Variants in PCDH15 observed in about 807,000 individuals in gnomAD.
PCDH15 encodes the protein protocadherin related 15, also known as protocadherin-15.
PCDH15 carries 129 observed loss-of-function variants against 178.5 expected under a neutral mutation model. The ratio of observed to expected loss-of-function variants is 0.72; its 90% CI spans 0.63 to 0.84. PCDH15 has a LOEUF of 0.84. PCDH15 is among the 40% of genes least tolerant of loss of function. PCDH15 has a pLI of 0.00. For missense variants in PCDH15, 2,230 were observed against 2,099.9 expected, an observed-to-expected ratio of 1.06 and a Z score of -1.21; for synonymous variants, 800 against 732.0, an observed-to-expected ratio of 1.09 and a Z score of -1.50.
chr10:55,173,672 T>C (rs1839403530), intron 1 of PCDH15, among the ~76,000 whole-genome samples: 1 of 152,286 alleles, frequency 6.6e-6, no homozygotes, highest in African/African-American at 2.4e-5. Flanking sequence ...CCAGTATTCA[T>C]GTTGTTTACA....
intron 2 of PCDH15, among the ~76,000 whole-genome samples, chr10:55,624,593 T>C (rs1837484140): frequency 6.6e-6 from 1 of 152,152 alleles, no homozygotes; most frequent in Admixed American, 6.5e-5. Flanking sequence ...TAGAAAACTC[T>C]AATGCTTATG....
chr10:55,166,710 A>G (rs1839205881), intron 1 of PCDH15: 1 of 152,212 alleles, frequency 6.6e-6, no homozygotes, highest in Non-Finnish European at 1.5e-5. Context: ...ACTCTAGTGC[A>G]AAACATAGGA....
chr10:53,931,111 C>G (rs898499061), intron 25 of PCDH15, among the ~76,000 whole-genome samples: 3 of 152,146 alleles, frequency 2.0e-5, no homozygotes, highest in African/African-American at 7.2e-5. Flanking sequence ...TAATTTCTAA[C>G]TGAATTGAAG....
chr10:54,013,310 G>A (rs960590436), intron 20 of PCDH15, among the ~76,000 whole-genome samples: 10 of 152,034 alleles, frequency 6.6e-5, no homozygotes, highest in Admixed American at 5.9e-4. Context: ...ACAATAGTGG[G>A]ACATTTCAAT....
chr10:54,500,322 A>C (rs573457612), intron 3 of PCDH15, among the ~76,000 whole-genome samples: 2 of 152,084 alleles, frequency 1.3e-5, no homozygotes, highest in African/African-American at 2.4e-5. Flanking sequence ...GGCAAAGGTC[A>C]AATAACTATC....
intron 13 of PCDH15, among the ~76,000 whole-genome samples, chr10:54,169,584 G>A (rs1261187161): frequency 5.4e-5 from 8 of 148,364 alleles, no homozygotes; most frequent in East Asian, 2.0e-4. Flanking sequence ...TCTCATTGCC[G>A]CCCTTCTTCC....
At chr10:55,313,183 C>T (rs541445477) in intron 1 of PCDH15, among the ~76,000 whole-genome samples, 1 of 151,958 alleles carries the variant, frequency 6.6e-6, no homozygotes, top group South Asian at 2.1e-4. Flanking sequence ...ATATATATTC[C>T]AAATGTCTCT....
chr10:54,845,589 A>G (rs1953495400), intron 3 of PCDH15, among the ~76,000 whole-genome samples: 1 of 152,200 alleles, frequency 6.6e-6, no homozygotes, highest in South Asian at 2.1e-4. Context: ...TTTATTATCT[A>G]TTATATTAAT....
At chr10:54,224,369 T>G (rs1460989927) in intron 9 of PCDH15, among the ~76,000 whole-genome samples, 2 of 152,120 alleles carry the variant, frequency 1.3e-5, no homozygotes, top group African/African-American at 4.8e-5. Flanking sequence ...TGTAAAAACA[T>G]TGTACGAGAA....
At chr10:54,999,237 T>C (rs551947934) in intron 2 of PCDH15, among the ~76,000 whole-genome samples, 1 of 152,308 alleles carries the variant, frequency 6.6e-6, no homozygotes, top group Admixed American at 6.5e-5. Flanking sequence ...AAATTCAATA[T>C]GTTTTTCTTA....
intron 2 of PCDH15, among the ~76,000 whole-genome samples, chr10:55,388,959 G>A (rs1024058962): frequency 6.6e-6 from 1 of 152,094 alleles, no homozygotes; most frequent in African/African-American, 2.4e-5. Context: ...TTCTCTGAAT[G>A]ATAATTGTGG....
At chr10:54,008,359 C>T (rs2092453666) in intron 20 of PCDH15, among the ~76,000 whole-genome samples, 1 of 152,104 alleles carries the variant, frequency 6.6e-6, no homozygotes, top group African/African-American at 2.4e-5. Context: ...AAATTATCTT[C>T]CAGCTGCTGA....
intron 2 of PCDH15, among the ~76,000 whole-genome samples, chr10:55,458,927 A>T (rs1267876951): frequency 6.6e-6 from 1 of 152,050 alleles, no homozygotes; most frequent in Non-Finnish European, 1.5e-5. Flanking sequence ...TAACTATAAG[A>T]ACATGCAATA....
chr10:55,450,010 G>A (rs999153464), intron 2 of PCDH15, among the ~76,000 whole-genome samples: 3 of 151,926 alleles, frequency 2.0e-5, no homozygotes, highest in African/African-American at 7.3e-5. Context: ...AAAAAGACAC[G>A]CATTAAAACA....
intron 2 of PCDH15, among the ~76,000 whole-genome samples, chr10:55,551,309 C>T (rs1841998979): frequency 6.6e-6 from 1 of 151,852 alleles, no homozygotes; most frequent in Admixed American, 6.6e-5. Flanking sequence ...CTGCTAATTC[C>T]TTATTCTTTC....
At chr10:55,580,145 C>T (rs146060744) in intron 2 of PCDH15, among the ~76,000 whole-genome samples, 102 of 152,258 alleles carry the variant, frequency 6.7e-4, no homozygotes, top group African/African-American at 2.4e-3. Flanking sequence ...GCGTGAGCCA[C>T]TGTGCCCGGC....
intron 1 of PCDH15, among the ~76,000 whole-genome samples, chr10:54,670,606 T>C (rs2094645940): frequency 6.6e-6 from 1 of 152,148 alleles, no homozygotes; most frequent in Non-Finnish European, 1.5e-5. Flanking sequence ...CTATAATAGA[T>C]ACATGCCAAA....
intron 2 of PCDH15, among the ~76,000 whole-genome samples, chr10:55,059,479 A>T (rs1212475941): frequency 2.0e-5 from 3 of 152,308 alleles, no homozygotes; most frequent in African/African-American, 7.2e-5. Flanking sequence ...ATAGTTGCCT[A>T]CTTAGCATCA....
intron 1 of PCDH15, among the ~76,000 whole-genome samples, chr10:54,753,985 T>TAA (rs1400163990): frequency 8.0e-6 from 1 of 125,056 alleles, no homozygotes; most frequent in Non-Finnish European, 1.8e-5. Flanking sequence ...ATTTTTTTTT[T>TAA]TTATTATTAT....
Sources: allele counts gnomAD v4.1 joint callset (sites outside exome capture counted in the v4.1 genomes callset), GRCh38; gene constraint gnomAD v4.1.1; transcripts MANE v1.5; gene names NCBI Gene and HGNC (gene_info 2026-07-23, HGNC 2026-07-21).